CA10: variants seen among roughly 807,000 people sequenced by gnomAD.
CA10 encodes carbonic anhydrase-related protein 10.
In CA10, 14 loss-of-function variants were observed where a neutral mutation model predicts 44.2. That is an observed-to-expected ratio of 0.32 (90% CI 0.21 to 0.50). CA10 has a LOEUF of 0.50. CA10 is among the 20% of genes least tolerant of loss of function. The pLI is 0.99. For missense variants in CA10, 350 were observed against 409.7 expected, an observed-to-expected ratio of 0.85 and a Z score of 1.26; for synonymous variants, 159 against 141.6, an observed-to-expected ratio of 1.12 and a Z score of -0.87.
chr17:51,934,974 C>T (rs895776095), intron 2 of CA10, among the ~76,000 whole-genome samples: 7 of 152,076 alleles, frequency 4.6e-5, no homozygotes, highest in African/African-American at 7.2e-5. Flanking sequence ...CCTACTGGGG[C>T]ATGGGAGTCA....
At chr17:52,046,154 A>G (rs1986905369) in intron 2 of CA10, among the ~76,000 whole-genome samples, 1 of 151,790 alleles carries the variant, frequency 6.6e-6, no homozygotes, top group South Asian at 2.1e-4. Flanking sequence ...CTTTCAGCTT[A>G]AAAAACTAGA....
intron 3 of CA10, among the ~76,000 whole-genome samples, chr17:51,855,144 A>C (rs1327191167): frequency 6.6e-6 from 1 of 152,096 alleles, no homozygotes; most frequent in African/African-American, 2.4e-5. Context: ...CACTGGCAAA[A>C]TTACTTTACT....
intron 3 of CA10, among the ~76,000 whole-genome samples, chr17:51,832,223 T>A (rs189841682): frequency 6.6e-6 from 1 of 152,206 alleles, no homozygotes; most frequent in African/African-American, 2.4e-5. Flanking sequence ...TTGTGAAGAC[T>A]GAATGCTATA....
At chr17:51,645,830 C>G (rs1913309419) in intron 6 of CA10, among the ~76,000 whole-genome samples, 2 of 152,220 alleles carry the variant, frequency 1.3e-5, no homozygotes, top group African/African-American at 2.4e-5. Context: ...TCACTTCTTC[C>G]TCATCTTCAT....
chr17:51,667,876 G>A (rs1408815654), intron 4 of CA10, among the ~76,000 whole-genome samples: 2 of 152,116 alleles, frequency 1.3e-5, no homozygotes, highest in African/African-American at 4.8e-5. Context: ...ACAGCACTTG[G>A]GAACAGGCGT....
chr17:52,016,862 G>A (rs932701925), intron 2 of CA10, among the ~76,000 whole-genome samples: 10 of 152,080 alleles, frequency 6.6e-5, no homozygotes, highest in Non-Finnish European at 8.8e-5. Context: ...GCAGTGAGCC[G>A]ATACTGTGCC....
At chr17:52,155,293 G>C (rs1262920456) in intron 1 of CA10, among the ~76,000 whole-genome samples, 1 of 152,132 alleles carries the variant, frequency 6.6e-6, no homozygotes, top group Non-Finnish European at 1.5e-5. Context: ...TTAAGATTTA[G>C]TAGATTCTAT....
intron 2 of CA10, among the ~76,000 whole-genome samples, chr17:51,932,397 A>G (rs1982700443): frequency 6.6e-6 from 1 of 152,158 alleles, no homozygotes; most frequent in Non-Finnish European, 1.5e-5. Context: ...AAGGCAAAAG[A>G]GGAGTTTGGA....
At chr17:51,723,372 A>G (rs546711246) in intron 4 of CA10, among the ~76,000 whole-genome samples, 1 of 152,306 alleles carries the variant, frequency 6.6e-6, no homozygotes, top group Non-Finnish European at 1.5e-5. Context: ...TGAAGCCAAA[A>G]GGTTCAAGAA....
intron 2 of CA10, among the ~76,000 whole-genome samples, chr17:52,030,322 C>CA (rs5820900): frequency 0.041 from 6,253 of 152,180 alleles, 162 homozygotes; most frequent in Non-Finnish European, 0.057. Flanking sequence ...CGATGAGTTG[C>CA]AAAACAGTGG....
chr17:51,972,689 GA>G (rs1246101211), intron 2 of CA10, among the ~76,000 whole-genome samples: 2 of 151,760 alleles, frequency 1.3e-5, no homozygotes, highest in African/African-American at 4.8e-5. Context: ...AACAAAAAGT[GA>G]AATATCTAGC....
At chr17:51,872,538 G>A (rs908606388) in intron 3 of CA10, among the ~76,000 whole-genome samples, 15 of 152,162 alleles carry the variant, frequency 9.9e-5, no homozygotes, top group African/African-American at 3.4e-4. Flanking sequence ...TCTGTCAAGA[G>A]ATTTCCAGTG....
intron 2 of CA10, among the ~76,000 whole-genome samples, chr17:51,961,622 A>G (rs1983896162): frequency 2.0e-5 from 3 of 152,316 alleles, no homozygotes; most frequent in East Asian, 1.9e-4. Flanking sequence ...AAGACATAAT[A>G]CTACAGACCT....
At chr17:51,999,158 C>G (rs906872813) in intron 2 of CA10, among the ~76,000 whole-genome samples, 12 of 152,104 alleles carry the variant, frequency 7.9e-5, no homozygotes, top group Non-Finnish European at 1.2e-4. Flanking sequence ...GAATGCCAAG[C>G]AAGCGTTGTT....
intron 4 of CA10, among the ~76,000 whole-genome samples, chr17:51,733,772 A>G (rs1004031135): frequency 4.6e-5 from 7 of 152,186 alleles, no homozygotes; most frequent in Admixed American, 3.3e-4. Context: ...TCGGCTCTCT[A>G]AAGACCAGAA....
At chr17:52,024,219 C>T (rs1986230127) in intron 2 of CA10, among the ~76,000 whole-genome samples, 1 of 152,178 alleles carries the variant, frequency 6.6e-6, no homozygotes, top group Non-Finnish European at 1.5e-5. Context: ...TCCTCCATAG[C>T]CAGAAGGAGA....
At chr17:51,821,473 G>C (rs939025638) in intron 3 of CA10, among the ~76,000 whole-genome samples, 4 of 151,734 alleles carry the variant, frequency 2.6e-5, no homozygotes, top group Admixed American at 6.6e-5. Context: ...ATCATTTGTC[G>C]TCTCCCCGCA....
chr17:52,124,920 T>C (rs763708613), intron 1 of CA10, among the ~76,000 whole-genome samples: 2 of 152,224 alleles, frequency 1.3e-5, no homozygotes, highest in Non-Finnish European at 2.9e-5. Flanking sequence ...TCAAGGCCCT[T>C]CATGATCTAG....
At chr17:52,092,164 T>C (rs1460623724) in intron 1 of CA10, among the ~76,000 whole-genome samples, 1 of 152,162 alleles carries the variant, frequency 6.6e-6, no homozygotes, top group Non-Finnish European at 1.5e-5. Context: ...GAGTGTCTGT[T>C]TGTATTTTTC....
Sources: allele counts gnomAD v4.1 joint callset (sites outside exome capture counted in the v4.1 genomes callset), GRCh38; gene constraint gnomAD v4.1.1; transcripts MANE v1.5; gene names NCBI Gene and HGNC (gene_info 2026-07-23, HGNC 2026-07-21).